The following CREM variants were observed in gnomAD, a reference collection of about 807,000 sequenced individuals.
CREM encodes the protein cAMP-responsive element modulator.
In CREM, 13 loss-of-function variants were observed where a neutral mutation model predicts 37.3. That is an observed-to-expected ratio of 0.35 (90% confidence interval 0.23 to 0.55). The LOEUF (loss-of-function observed/expected upper bound fraction) is 0.55. CREM is among the 20% of genes least tolerant of loss of function. The pLI, the probability that CREM is intolerant of heterozygous loss-of-function variation, is 0.88. For synonymous variants in CREM, 124 were observed against 120.2 expected, an observed-to-expected ratio of 1.03 and a Z score of -0.21; for missense variants, 296 against 362.3, an observed-to-expected ratio of 0.82 and a Z score of 1.49.
chr10:35,152,816 T>C (rs1325039179), intron 3 of CREM, among the ~76,000 whole-genome samples: 2 of 152,176 alleles, frequency 1.3e-5, no homozygotes, highest in Non-Finnish European at 2.9e-5. Context: ...TAGTGACACT[T>C]ACATCCTCCG....
At chr10:35,195,121 C>T in intron 6 of CREM, 1 of 1,550,552 alleles carries the variant, frequency 6.4e-7, no homozygotes, top group South Asian at 1.1e-5. Flanking sequence ...CACATGCTTG[C>T]TAATTTGGAA....
At chr10:35,158,217 A>G (rs2093036533) in intron 3 of CREM, 1 of 154,904 alleles carries the variant, frequency 6.5e-6, no homozygotes, top group African/African-American at 2.4e-5. Flanking sequence ...AAATAGGGAA[A>G]AACAATCCCC....
chr10:35,162,244 G>C (rs971484337), intron 3 of CREM, among the ~76,000 whole-genome samples: 14 of 152,194 alleles, frequency 9.2e-5, no homozygotes, highest in Non-Finnish European at 2.1e-4. Flanking sequence ...AGGGAAGAAT[G>C]GTGGTTACCA....
At chr10:35,206,208 A>T (rs1007390240) in intron 6 of CREM, among the ~76,000 whole-genome samples, 4 of 152,026 alleles carry the variant, frequency 2.6e-5, no homozygotes, top group Non-Finnish European at 5.9e-5. Context: ...AGATCGCGCC[A>T]CTGCACTCCA....
chr10:35,187,102 TA>T (rs1475094312), intron 5 of CREM, among the ~76,000 whole-genome samples: 6 of 75,372 alleles, frequency 8.0e-5, no homozygotes, highest in Admixed American at 2.4e-4. Context: ...ATATATATGA[TA>T]TATATTATAT....
intron 3 of CREM, among the ~76,000 whole-genome samples, chr10:35,151,943 A>G (rs1044914858): frequency 6.6e-6 from 1 of 152,212 alleles, no homozygotes; most frequent in Non-Finnish European, 1.5e-5. Flanking sequence ...ACAATAGTAT[A>G]TGTCTTACAA....
At chr10:35,164,870 T>C (rs893691972) in intron 3 of CREM, among the ~76,000 whole-genome samples, 1 of 151,750 alleles carries the variant, frequency 6.6e-6, no homozygotes, top group African/African-American at 2.4e-5. Flanking sequence ...GCCAACATGG[T>C]GAAACCCTGT....
At chr10:35,135,638 C>G (rs1332233140) in intron 1 of CREM, 1 of 148,002 alleles carries the variant, frequency 6.8e-6, no homozygotes, top group African/African-American at 2.5e-5. Flanking sequence ...GCCTGTAATC[C>G]CAACACTTTG....
chr10:35,164,139 TA>T (rs2093426819), intron 3 of CREM, among the ~76,000 whole-genome samples: 1 of 152,242 alleles, frequency 6.6e-6, no homozygotes, highest in Non-Finnish European at 1.5e-5. Context: ...GTATTAAGAC[TA>T]ATCATTTGAC....
At chr10:35,189,237 A>G (rs2094800720) in intron 6 of CREM, among the ~76,000 whole-genome samples, 1 of 150,282 alleles carries the variant, frequency 6.7e-6, no homozygotes, top group Non-Finnish European at 1.5e-5. Flanking sequence ...ATTCTGAAGT[A>G]TCCATTCTAG....
At position 35,179,287 on chromosome 10, in the gene CREM, T is replaced by G; in HGVS notation, c.409+11T>G. 2 of 1,613,144 alleles carry G rather than the reference T, an allele frequency of 1.2e-6. No homozygotes were observed. Among genetic ancestry groups the G allele is most frequent in the Non-Finnish European group, 1.7e-6 (2 of 1,179,604 alleles). On this transcript the variant is annotated intron_variant, in intron 5 of 7. Transcript: ENST00000685392. ...GCACGGGGCAATACAGTATGTATGC[T>G]GCAATTCGATATGATACAGTGCTAG...
intron 3 of CREM, among the ~76,000 whole-genome samples, chr10:35,160,357 C>T (rs1217210446): frequency 1.3e-5 from 2 of 152,074 alleles, no homozygotes; most frequent in East Asian, 3.8e-4. Context: ...AGCGAGTGGG[C>T]AGTGAGGGAA....
intron 3 of CREM, among the ~76,000 whole-genome samples, chr10:35,150,716 G>T (rs557571250): frequency 1.3e-5 from 2 of 152,136 alleles, no homozygotes; most frequent in Non-Finnish European, 2.9e-5. Flanking sequence ...AGCTGCTCGG[G>T]AGGCTGAGGC....
intron 7 of CREM, among the ~76,000 whole-genome samples, chr10:35,208,434 G>A (rs1019894134): frequency 2.6e-5 from 4 of 152,056 alleles, no homozygotes; most frequent in Non-Finnish European, 5.9e-5. Flanking sequence ...TATTGGTTTA[G>A]TTTTTATTAT....
intron 1 of CREM, among the ~76,000 whole-genome samples, chr10:35,137,229 T>C (rs1052677982): frequency 6.6e-6 from 1 of 152,230 alleles, no homozygotes; most frequent in Admixed American, 6.5e-5. Flanking sequence ...GTGTCTAAAC[T>C]AGGTTTTTTA....
At chr10:35,166,076 C>T (rs1011827654) in intron 3 of CREM, among the ~76,000 whole-genome samples, 6 of 151,832 alleles carry the variant, frequency 4.0e-5, no homozygotes, top group African/African-American at 7.3e-5. Flanking sequence ...TCAGCTTATG[C>T]GCTATACATA....
intron 3 of CREM, among the ~76,000 whole-genome samples, chr10:35,165,949 T>G (rs1333692436): frequency 6.6e-6 from 1 of 152,186 alleles, no homozygotes; most frequent in East Asian, 1.9e-4. Context: ...GACTGAATTA[T>G]AACACTTGCT....
rs1302066302 is a variant in CREM, at chr10:35,161,058, G to A, written c.168+12567G>A. On this transcript the variant is annotated intron_variant, in intron 3 of 7. Coordinates refer to ENST00000685392, the MANE Select transcript of CREM (RefSeq NM_183011.2). ...ACTTGAAGTAAAATAATAATAAAAA[G>A]TATGGTAAATACATAAACCAGTAAC... Among the ~76,000 whole-genome samples, 3 of 152,204 alleles carry A rather than the reference G, an allele frequency of 2.0e-5. No individual in the cohort carries two copies. In the East Asian group the frequency reaches 5.8e-4, roughly 29 times the overall value.
chr10:35,128,024 T>C (rs1444015963), intron 1 of CREM, among the ~76,000 whole-genome samples: 1 of 152,140 alleles, frequency 6.6e-6, no homozygotes, highest in Non-Finnish European at 1.5e-5. Flanking sequence ...TTTGTATTTT[T>C]AGTAGAGATG....
Sources: gnomAD v4.1 joint callset for allele counts (sites outside exome capture counted in the v4.1 genomes callset) on GRCh38, gnomAD v4.1.1 for gene constraint, MANE v1.5 for transcripts, NCBI Gene and HGNC (gene_info 2026-07-23, HGNC 2026-07-21) for gene names.